SP140: variants seen among roughly 807,000 people sequenced by gnomAD.
SP140 encodes nuclear body protein SP140.
Under a neutral mutation model 125.0 loss-of-function variants are expected in SP140, and 81 were observed. That is an observed-to-expected ratio of 0.65 (90% confidence interval 0.54 to 0.78). The LOEUF (loss-of-function observed/expected upper bound fraction) is 0.78. Among genes scored for constraint, SP140 ranks in the 30% least tolerant of loss-of-function variants. The pLI is 0.00. For missense variants in SP140, 858 were observed against 1,037.0 expected, an observed-to-expected ratio of 0.83 and a Z score of 2.37; for synonymous variants, 312 against 354.0, an observed-to-expected ratio of 0.88 and a Z score of 1.33.
chr2:230,311,841 C>T (rs2059357583), intron 26 of SP140, among the ~76,000 whole-genome samples: 1 of 152,228 alleles, frequency 6.6e-6, no homozygotes, highest in African/African-American at 2.4e-5. Context: ...CCAGAGGAGA[C>T]AGGAGCTCAG....
At chr2:230,197,300 T>G in the SP140 span, among the ~76,000 whole-genome samples, 1 of 151,146 alleles carries the variant, frequency 6.6e-6, no homozygotes, top group Non-Finnish European at 1.5e-5. Flanking sequence ...CCAGTGATGA[T>G]GAGCATTTTT....
chr2:230,245,812 G>T (rs377463250), intron 6 of SP140, 51 bp from the exon 7 acceptor site: 116 of 1,142,956 alleles, frequency 1.0e-4, no homozygotes, highest in Non-Finnish European at 1.4e-4. Flanking sequence ...GATCCAGGTA[G>T]GTGTCCAGGT....
intron 1 of SP140, chr2:230,212,222 T>A: frequency 2.7e-6 from 2 of 748,030 alleles, no homozygotes; most frequent in Non-Finnish European, 4.7e-6. Flanking sequence ...CCCTTCTGTT[T>A]CTTTTCCTTT....
At chr2:230,233,068 G>T (rs1315059177) in intron 1 of SP140, among the ~76,000 whole-genome samples, 1 of 151,896 alleles carries the variant, frequency 6.6e-6, no homozygotes, top group Admixed American at 6.6e-5. Flanking sequence ...TAAATATCTT[G>T]TTGCTTATGG....
At chr2:230,226,704 G>A (rs1397638358) in intron 1 of SP140, among the ~76,000 whole-genome samples, 1 of 146,902 alleles carries the variant, frequency 6.8e-6, no homozygotes, top group East Asian at 2.0e-4. Context: ...AGAGGTTTTG[G>A]CGAGCCAAGA....
At chr2:230,273,739 A>G (rs2054285683) in intron 15 of SP140, among the ~76,000 whole-genome samples, 1 of 152,246 alleles carries the variant, frequency 6.6e-6, no homozygotes, top group Non-Finnish European at 1.5e-5. Flanking sequence ...AATGTGGTTC[A>G]TGTACACCAT....
At position 230,284,388 on chromosome 2, in the gene SP140, G is replaced by C. The variant is rs377070238; in HGVS notation, c.1541G>C (p.Arg514Thr). The C allele has an allele frequency of 5.6e-6, 9 of 1,608,402 alleles. No homozygotes were observed. The African/African-American group carries it at 1.2e-4, about 22-fold the overall frequency. The stretch of plus-strand genomic sequence containing the variant: ...GGCTGGAGCAGAATGAGAATGAGAA[G>C]GCAGGAAAACAGCCAACAAAATGGT... ...GHGWSRMRMR[R>T]QENSQQNDNS... The change falls in exon 16 of 27, where the codon AGG (arginine) becomes ACG (threonine). Residue 514 changes from arginine to threonine, a missense_variant. Physicochemically the swap from Arg to Thr is moderately conservative, Grantham distance 71. Coordinates refer to ENST00000392045, the MANE Select transcript of SP140 (RefSeq NM_007237.5).
chr2:230,199,128 C>CTAT (rs200457151), upstream of SP140, among the ~76,000 whole-genome samples: 569 of 140,284 alleles, frequency 4.1e-3, 4 homozygotes, highest in African/African-American at 0.015. Context: ...GCTTTAGCTA[C>CTAT]TATTATTATT....
the SP140 span, among the ~76,000 whole-genome samples, chr2:230,195,932 A>G: frequency 3.7e-4 from 56 of 152,310 alleles, 1 homozygote; most frequent in African/African-American, 1.3e-3. Context: ...GAAAATAAGC[A>G]AAAAATATAA....
chr2:230,214,917 T>G, intron 3 of SP140: 1 of 1,599,830 alleles, frequency 6.3e-7, no homozygotes, highest in East Asian at 2.2e-5. Context: ...AGCAACTTTT[T>G]AAATGCAAAA....
downstream of SP140, among the ~76,000 whole-genome samples, chr2:230,314,465 C>A (rs1333516540): frequency 1.3e-5 from 2 of 152,156 alleles, no homozygotes; most frequent in East Asian, 1.9e-4. Context: ...AAACCAGATA[C>A]GTGAGAATTA....
At chr2:230,297,387 A>G (rs765814965) in intron 21 of SP140, 34 bp from the exon 22 acceptor site, 8 of 1,605,978 alleles carry the variant, frequency 5.0e-6, no homozygotes, top group Middle Eastern at 1.7e-4. Context: ...AATGCATTCA[A>G]TATCATAAAT....
At position 230,220,174 on chromosome 2, in the gene SP140, T is replaced by A. The variant is rs566111932; in HGVS notation, c.-90-5581T>A. 1.7e-4 allele frequency: 119 copies of A among 705,294 alleles called. No individual in the cohort carries two copies. The Admixed American group carries it at 2.8e-3, about 16-fold the overall frequency. The allele number at this position is 705,294 out of a possible 1,614,324, so 43.7% of individuals were successfully genotyped here. On this transcript the variant is annotated intron_variant, in intron 3 of 4. Coordinates refer to the SP140 transcript ENST00000456542. ...GGGGAGGGCGTGTTGCCAGTTGGGA[T>A]CAGCCCAGAGAGGGAGGTATGGGAG... is the stretch of plus-strand genomic sequence containing the variant.
upstream of SP140, among the ~76,000 whole-genome samples, chr2:230,225,222 C>T (rs960128764): frequency 2.6e-5 from 4 of 152,200 alleles, no homozygotes; most frequent in African/African-American, 7.2e-5. Context: ...AATTGCACCT[C>T]ATTTCTCTGC....
upstream of SP140, chr2:230,200,744 T>A (rs191221012): frequency 1.2e-3 from 848 of 713,522 alleles, 3 homozygotes; most frequent in Non-Finnish European, 1.9e-3. Context: ...GGGTCTTGAT[T>A]AAGAAAAAAA....
chr2:230,290,789 A>C (rs949152964), intron 19 of SP140, among the ~76,000 whole-genome samples: 3 of 152,236 alleles, frequency 2.0e-5, no homozygotes, highest in Non-Finnish European at 4.4e-5. Flanking sequence ...AGAACCAAAG[A>C]GAAGGCAGGA....
chr2:230,204,894 C>T (rs1368558313), intron 1 of SP140, among the ~76,000 whole-genome samples: 1 of 151,838 alleles, frequency 6.6e-6, no homozygotes, highest in Non-Finnish European at 1.5e-5. Flanking sequence ...ATAGCACATG[C>T]CAAGGATCAA....
intron 1 of SP140, among the ~76,000 whole-genome samples, chr2:230,205,776 G>A (rs528321768): frequency 2.0e-5 from 3 of 152,308 alleles, no homozygotes; most frequent in South Asian, 2.1e-4. Flanking sequence ...AAACAAAGAC[G>A]CCCAGTGTGC....
At chr2:230,295,822 TA>T (rs1427080566) in intron 21 of SP140, among the ~76,000 whole-genome samples, 4 of 152,258 alleles carry the variant, frequency 2.6e-5, no homozygotes, top group African/African-American at 9.6e-5. Flanking sequence ...TGTTGTATGC[TA>T]ATGTTTGCTT....
Sources: gnomAD v4.1 joint callset for allele counts (sites outside exome capture counted in the v4.1 genomes callset) on GRCh38, gnomAD v4.1.1 for gene constraint, MANE v1.5 for transcripts, NCBI Gene and HGNC (gene_info 2026-07-23, HGNC 2026-07-21) for gene names.